The following PCDHGA1 variants were observed in gnomAD, a reference collection of about 807,000 sequenced individuals.
PCDHGA1 encodes protocadherin gamma-A1.
A neutral mutation model predicts 58.0 loss-of-function variants in PCDHGA1; 32 were observed. The ratio of observed to expected loss-of-function variants is 0.55; its 90% CI spans 0.42 to 0.74. The LOEUF (loss-of-function observed/expected upper bound fraction) is 0.74, where lower values mean the gene tolerates loss of function less well. Among genes scored for constraint, PCDHGA1 ranks in the 30% least tolerant of loss-of-function variants. The pLI, the probability that PCDHGA1 is intolerant of heterozygous loss-of-function variation, is 0.00. For synonymous variants in PCDHGA1, 498 were observed against 501.1 expected, an observed-to-expected ratio of 0.99 and a Z score of 0.08; for missense variants, 1,205 against 1,182.3, an observed-to-expected ratio of 1.02 and a Z score of -0.28.
rs1042973261 is a variant in PCDHGA1 at position 141,491,547 on chromosome 5, G to T, written c.2422-3260G>T. ...AGGTGACGCTGCGGCCCACAGACTC[G>T]CAGAGCCACTGCTACAGGACGTGCT... On this transcript the variant is annotated intron_variant, in intron 1 of 3. Transcript: ENST00000517417. The surrounding 1 kb of genome is among the most constrained non-coding windows in gnomAD (Gnocchi z 6.9). 6.8e-6 allele frequency: 11 copies of T among 1,613,856 alleles called. No homozygotes were observed. Among genetic ancestry groups the T allele is most frequent in the Middle Eastern group, 1.6e-4 (1 of 6,084 alleles).
At chr5:141,407,328 A>G (rs1016529734) in intron 1 of PCDHGA1, among the ~76,000 whole-genome samples, 1 of 152,210 alleles carries the variant, frequency 6.6e-6, no homozygotes, top group Admixed American at 6.5e-5. Flanking sequence ...ATTTATAAAT[A>G]TTGAAATGTA....
chr5:141,415,740 G>GTTTTTTTTT (rs57426385), intron 1 of PCDHGA1: 68 of 625,028 alleles, frequency 1.1e-4, no homozygotes, highest in African/African-American at 1.3e-4. Context: ...GTTTATTAAG[G>GTTTTTTTTT]TTTTTTTTTT....
In PCDHGA1 at chr5:141,418,416, C is replaced by G. The variant is rs377542164; in HGVS notation, c.2422-76391C>G. The G allele has an allele frequency of 2.9e-5, 46 of 1,613,866 alleles. No homozygotes were observed. Among genetic ancestry groups the G allele is most frequent in the Non-Finnish European group, 3.4e-5 (40 of 1,179,880 alleles). ...TTCTCATTGGTGGAGAAAGACAATC[C>G]TGATGGTGGCAAATATCCAGAATTA... On this transcript the variant is annotated intron_variant, in intron 1 of 3. Transcript: ENST00000517417.
intron 1 of PCDHGA1, chr5:141,383,490 G>A: frequency 6.2e-7 from 1 of 1,613,286 alleles, no homozygotes; most frequent in South Asian, 1.1e-5. Flanking sequence ...TGGTGCTGGA[G>A]CGGGTGCTGG....
At chr5:141,454,970 G>A (rs2098808431) in intron 1 of PCDHGA1, among the ~76,000 whole-genome samples, 2 of 151,444 alleles carry the variant, frequency 1.3e-5, no homozygotes, top group African/African-American at 4.9e-5. Context: ...ACCACGCCTG[G>A]CTAATTTTTT....
chr5:141,367,972 C>T (rs1765427011), intron 1 of PCDHGA1, among the ~76,000 whole-genome samples: 1 of 152,084 alleles, frequency 6.6e-6, no homozygotes, highest in Non-Finnish European at 1.5e-5. Context: ...CGTATGTGCT[C>T]ATCTTAAATT....
At position 141,431,141 on chromosome 5, in the gene PCDHGA1, G is replaced by C. The variant is rs1262504427; in HGVS notation, c.2422-63666G>C. 1 of 1,614,094 alleles carries C rather than the reference G, an allele frequency of 6.2e-7. No individual in the cohort carries two copies. The highest frequency in any genetic ancestry group is 2.2e-5 in the East Asian group (1 of 44,896). On this transcript the variant is annotated intron_variant, in intron 1 of 3. Coordinates refer to ENST00000517417, the MANE Select transcript of PCDHGA1 (RefSeq NM_018912.3). The surrounding 1 kb of genome is among the most constrained non-coding windows in gnomAD (Gnocchi z 4.8). The stretch of plus-strand genomic sequence containing the variant: ...AGAAGTAGAAGTAAGGGACATTAAC[G>C]ACAATGCGCCTTACTTTCGTGAAAG...
chr5:141,503,910 G>A (rs1311674998), intron 2 of PCDHGA1, among the ~76,000 whole-genome samples: 1 of 152,062 alleles, frequency 6.6e-6, no homozygotes, highest in Admixed American at 6.6e-5. Flanking sequence ...CACACACAAC[G>A]CAACACACAC....
At position 141,473,299 on chromosome 5, in the gene PCDHGA1, G is replaced by A. The variant is rs182316672; in HGVS notation, c.2422-21508G>A. The stretch of plus-strand genomic sequence containing the variant: ...TATTTTACTATGTCAGTAGCATAAA[G>A]ATTGCTATATTAATAAGCATTAAGT... On this transcript the variant is annotated intron_variant, in intron 1 of 3. Coordinates refer to ENST00000517417, the MANE Select transcript of PCDHGA1 (RefSeq NM_018912.3). 5.6e-4 allele frequency among the ~76,000 whole-genome samples: 86 copies of A among 152,346 alleles called. 1 individual carries two copies. The highest frequency in any genetic ancestry group is 1.9e-3 in the African/African-American group (81 of 41,572).
chr5:141,473,263 T>C (rs2099318134), intron 1 of PCDHGA1, among the ~76,000 whole-genome samples: 1 of 152,210 alleles, frequency 6.6e-6, no homozygotes, highest in African/African-American at 2.4e-5. Context: ...GTCCTTAGTG[T>C]ATGCTATGAT....
At chr5:141,424,894 T>C (rs868851823) in intron 1 of PCDHGA1, among the ~76,000 whole-genome samples, 44 of 152,320 alleles carry the variant, frequency 2.9e-4, no homozygotes, top group African/African-American at 9.9e-4. Flanking sequence ...TCTAGGGTTT[T>C]TGATCACAGG....
rs1313971451 is a variant in PCDHGA1 at position 141,367,488 on chromosome 5, G to T, written c.2421+34383G>T. On this transcript the variant is annotated intron_variant, in intron 1 of 3. Transcript: ENST00000517417. ...GGAGGAGGAGCTTGCAGTAAGCCGAGATCGCGCCACTGCACTCCAGCCTGG... is the reference window on the plus strand; with the variant it reads ...GGAGGAGGAGCTTGCAGTAAGCCGATATCGCGCCACTGCACTCCAGCCTGG... 2.0e-5 allele frequency: 3 copies of T among 152,134 alleles called. No individual in the cohort carries two copies. In the East Asian group the frequency reaches 5.8e-4, roughly 29 times the overall value. The allele number at this position is 152,134 out of a possible 1,614,324, so 9.4% of individuals were successfully genotyped here.
In PCDHGA1 at chr5:141,432,752, G is replaced by C. The variant is rs1407361813; in HGVS notation, c.2422-62055G>C. On this transcript the variant is annotated intron_variant, in intron 1 of 3. Coordinates refer to ENST00000517417, the MANE Select transcript of PCDHGA1 (RefSeq NM_018912.3). The surrounding 1 kb of genome is among the most constrained non-coding windows in gnomAD (Gnocchi z 6.0). Reference sequence around the variant, plus strand: ...CACTGTCACGCTCACCGTGGCCGTGGCCGACAGCATCCCCCAAGTCCTGGC... The same window carrying C: ...CACTGTCACGCTCACCGTGGCCGTGCCCGACAGCATCCCCCAAGTCCTGGC... 9.3e-6 allele frequency: 15 copies of C among 1,614,024 alleles called. No individual in the cohort carries two copies. The highest frequency in any genetic ancestry group is 1.3e-5 in the Non-Finnish European group (15 of 1,180,008).
Position 141,432,604 on chromosome 5 carries a change from A to T in PCDHGA1, c.2422-62203A>T, listed in dbSNP as rs774164351. ...GTCTGCTCAAGGCCAGCGAGCCGGG[A>T]CTCTTCTCGGTGGGTCTGCACACGG... On this transcript the variant is annotated intron_variant, in intron 1 of 3. Coordinates refer to ENST00000517417, the MANE Select transcript of PCDHGA1 (RefSeq NM_018912.3). The surrounding 1 kb of genome is among the most constrained non-coding windows in gnomAD (Gnocchi z 6.0). 1.2e-6 allele frequency: 2 copies of T among 1,610,530 alleles called. No homozygotes were observed. The highest frequency in any genetic ancestry group is 1.7e-6 in the Non-Finnish European group (2 of 1,179,274).
intron 1 of PCDHGA1, chr5:141,383,361 A>C: frequency 6.2e-7 from 1 of 1,614,022 alleles, no homozygotes; most frequent in Non-Finnish European, 8.5e-7. Flanking sequence ...GGTTTCCGTT[A>C]AGCGAGGCTG....
At chr5:141,438,834 T>A (rs915381229) in intron 1 of PCDHGA1, among the ~76,000 whole-genome samples, 5 of 150,606 alleles carry the variant, frequency 3.3e-5, no homozygotes, top group South Asian at 2.1e-4. Context: ...GCTAATTTTT[T>A]AAAATATTTT....
rs754784331 is a variant in PCDHGA1 at position 141,330,707 on chromosome 5, C to T, written c.23C>T (p.Thr8Ile). MKIQKKL[T>I]GCSRLMLLCL... ...GCCATGAAGATTCAGAAAAAGCTGA[C>T]TGGCTGCAGCAGGCTGATGCTTCTG... The change falls in exon 1 of 4, where the codon ACT (threonine) becomes ATT (isoleucine). Residue 8 changes from threonine to isoleucine, a missense_variant. By Grantham distance (89) the Thr-to-Ile change is moderately conservative. Transcript: ENST00000517417. 1 of 1,608,254 alleles carries T rather than the reference C, an allele frequency of 6.2e-7. No homozygotes were observed. Among genetic ancestry groups the T allele is most frequent in the Non-Finnish European group, 8.5e-7 (1 of 1,175,634 alleles).
chr5:141,481,208 A>G lies in PCDHGA1; in HGVS notation c.2422-13599A>G, dbSNP rs116577118. On this transcript the variant is annotated intron_variant, in intron 1 of 3. Coordinates refer to ENST00000517417, the MANE Select transcript of PCDHGA1 (RefSeq NM_018912.3). ...GCCAGGCCCAATTTTTTTAAAAAACATGGTAAGGTCTCCCAGCCTTAAAGT... is the reference window on the plus strand; with the variant it reads ...GCCAGGCCCAATTTTTTTAAAAAACGTGGTAAGGTCTCCCAGCCTTAAAGT... 3.5e-3 allele frequency among the ~76,000 whole-genome samples: 528 copies of G among 152,350 alleles called. 2 individuals carry two copies. Among genetic ancestry groups the G allele is most frequent in the African/African-American group, 0.012 (490 of 41,572 alleles).
chr5:141,352,461 G>C (rs370251444), intron 1 of PCDHGA1: 3 of 1,613,888 alleles, frequency 1.9e-6, no homozygotes, highest in East Asian at 2.2e-5. Flanking sequence ...TCTGGGCCCG[G>C]GGTTCCTCCC....
Sources: allele counts gnomAD v4.1 joint callset (sites outside exome capture counted in the v4.1 genomes callset), GRCh38; gene constraint gnomAD v4.1.1; non-coding constraint Gnocchi (gnomAD v3.1); transcripts MANE v1.5; gene names NCBI Gene and HGNC (gene_info 2026-07-23, HGNC 2026-07-21).